GRAMD1C: variants seen among roughly 807,000 people sequenced by gnomAD.
The protein encoded by GRAMD1C is protein Aster-C.
A neutral mutation model predicts 97.8 loss-of-function variants in GRAMD1C; 89 were observed. The observed-to-expected ratio is 0.91, with a 90% confidence interval of 0.77 to 1.09. The LOEUF is 1.09. GRAMD1C is among the 50% of genes least tolerant of loss of function. The pLI is 0.00. For missense variants in GRAMD1C, 740 were observed against 766.4 expected, an observed-to-expected ratio of 0.97 and a Z score of 0.41; for synonymous variants, 256 against 267.0, an observed-to-expected ratio of 0.96 and a Z score of 0.40.
At chr3:113,945,350 T>G (rs1408344895) in intron 17 of GRAMD1C, 48 bp from the exon 18 acceptor site, 2 of 1,239,386 alleles carry the variant, frequency 1.6e-6, no homozygotes, top group African/African-American at 1.5e-5. Context: ...AATTTTCAAA[T>G]CTGATTAGAA....
Position 113,841,426 on chromosome 3 carries a change from C to T in GRAMD1C, c.27+2490C>T, listed in dbSNP as rs569475679. On this transcript the variant is annotated intron_variant, in intron 1 of 17. Transcript: ENST00000358160. The stretch of plus-strand genomic sequence containing the variant: ...TCAGCCTCCCAAGTAGCTGGGATTA[C>T]AGGCACGTACCACCACGCCCAGCTA... 2.6e-5 allele frequency among the ~76,000 whole-genome samples: 4 copies of T among 151,544 alleles called. No homozygotes were observed. In the East Asian group the frequency reaches 5.9e-4, roughly 22 times the overall value.
chr3:113,936,292 G>A lies in GRAMD1C; in HGVS notation c.1483G>A (p.Val495Ile). 2.5e-6 allele frequency: 4 copies of A among 1,594,928 alleles called. No individual in the cohort carries two copies. The highest frequency in any genetic ancestry group is 3.4e-6 in the Non-Finnish European group (4 of 1,167,332). The change falls in exon 14 of 18, where the codon GTA becomes ATA. Residue 495 changes from valine to isoleucine, a missense_variant. Val to Ile is a conservative substitution (Grantham distance 29). Coordinates refer to ENST00000358160, the MANE Select transcript of GRAMD1C (RefSeq NM_017577.5). The part of the protein sequence containing the change: ...LESDLLIEES[V>I]LNQAIEDPGK... ...ATCAGATTTGTTAATTGAAGAATCTGTATTAAATCAGGCCATTGAAGACCC... is the reference window on the plus strand; with the variant it reads ...ATCAGATTTGTTAATTGAAGAATCTATATTAAATCAGGCCATTGAAGACCC...
At chr3:113,858,393 C>CTTT (rs200917151) in intron 2 of GRAMD1C, among the ~76,000 whole-genome samples, 3 of 76,604 alleles carry the variant, frequency 3.9e-5, no homozygotes, top group African/African-American at 1.7e-4. Flanking sequence ...ATCCCAGCTA[C>CTTT]ATTTTTTTTT....
chr3:113,839,376 A>G (rs970354874), intron 1 of GRAMD1C, among the ~76,000 whole-genome samples: 2 of 152,074 alleles, frequency 1.3e-5, no homozygotes, highest in Non-Finnish European at 2.9e-5. Flanking sequence ...GTCTAGTTTT[A>G]TTTGTTTACT....
intron 6 of GRAMD1C, among the ~76,000 whole-genome samples, chr3:113,892,834 C>T (rs1577173877): frequency 1.3e-5 from 2 of 152,256 alleles, no homozygotes; most frequent in Admixed American, 1.3e-4. Context: ...CTCCACTCCT[C>T]AGCTCTTTTT....
At position 113,934,080 on chromosome 3, in the gene GRAMD1C, A is replaced by C. The variant is rs77218253; in HGVS notation, c.1353-352A>C. On this transcript the variant is annotated intron_variant, in intron 12 of 17. Coordinates refer to ENST00000358160, the MANE Select transcript of GRAMD1C (RefSeq NM_017577.5). ...ATCATGTACTTGGCCTACTCTGGTTAATGTAGTTACTTTCACCTAGTGTAT... is the reference window on the plus strand; with the variant it reads ...ATCATGTACTTGGCCTACTCTGGTTCATGTAGTTACTTTCACCTAGTGTAT... 6.9e-3 allele frequency among the ~76,000 whole-genome samples: 1,044 copies of C among 152,312 alleles called. 12 individuals are homozygous for C. The highest frequency in any genetic ancestry group is 0.024 in the African/African-American group (985 of 41,568).
chr3:113,911,696 TTTCCTTCC>T (rs773332639), intron 9 of GRAMD1C, among the ~76,000 whole-genome samples: 3 of 78,778 alleles, frequency 3.8e-5, no homozygotes, highest in African/African-American at 1.3e-4. Flanking sequence ...TCTCTGTTTC[TTTCCTTCC>T]TTCCTTCCTT....
At chr3:113,835,872 C>G (rs1462749415), upstream of GRAMD1C, among the ~76,000 whole-genome samples, 1 of 152,152 alleles carries the variant, frequency 6.6e-6, no homozygotes, top group Admixed American at 6.5e-5. Flanking sequence ...TAACAGAACA[C>G]AGTTTATGCA....
chr3:113,877,880 C>A (rs757797756), intron 5 of GRAMD1C, among the ~76,000 whole-genome samples: 1 of 151,970 alleles, frequency 6.6e-6, no homozygotes, highest in East Asian at 1.9e-4. Context: ...TGGGTTCAAG[C>A]GATTCCCCTG....
upstream of GRAMD1C, among the ~76,000 whole-genome samples, chr3:113,836,231 T>C (rs143973410): frequency 0.018 from 2,666 of 152,176 alleles, 75 homozygotes; most frequent in African/African-American, 0.059. Flanking sequence ...GCCACTGCAC[T>C]CCAGTCTGGG....
At position 113,847,408 on chromosome 3, in the gene GRAMD1C, A is replaced by G. The variant is rs115692829; in HGVS notation, c.174+2759A>G. Among the ~76,000 whole-genome samples, 872 of 152,368 alleles carry G rather than the reference A, an allele frequency of 5.7e-3. 9 individuals are homozygous for G. Among genetic ancestry groups the G allele is most frequent in the African/African-American group, 0.02 (834 of 41,586 alleles). Reference sequence around the variant, plus strand: ...GATATCAAAGTTCAAGATGAAGACTAACCTCAAAGTATGGCATGTGCAATG... The same window carrying G: ...GATATCAAAGTTCAAGATGAAGACTGACCTCAAAGTATGGCATGTGCAATG... On this transcript the variant is annotated intron_variant, in intron 2 of 17. Coordinates refer to ENST00000358160, the MANE Select transcript of GRAMD1C (RefSeq NM_017577.5).
intron 10 of GRAMD1C, among the ~76,000 whole-genome samples, chr3:113,926,056 C>T (rs957695862): frequency 3.3e-5 from 5 of 152,100 alleles, no homozygotes; most frequent in Non-Finnish European, 5.9e-5. Flanking sequence ...GTATGTATCT[C>T]ATAGGGGTTC....
At chr3:113,851,097 C>T (rs751685052) in intron 2 of GRAMD1C, among the ~76,000 whole-genome samples, 2 of 152,112 alleles carry the variant, frequency 1.3e-5, no homozygotes, top group South Asian at 2.1e-4. Context: ...CCACTGCACC[C>T]GGCCTATACT....
rs1254153238 is a variant in GRAMD1C, at chr3:113,904,212, C to T, written c.729C>T (p.Thr243=). 3.1e-6 allele frequency: 5 copies of T among 1,607,424 alleles called. No homozygotes were observed. Among genetic ancestry groups the T allele is most frequent in the Non-Finnish European group, 4.3e-6 (5 of 1,174,208 alleles). The stretch of plus-strand genomic sequence containing the variant: ...AATTATCCAAGTCAATCAGTTTTAC[C>T]AGTGAATCAATTAGTCGGGTTTCAG... The part of the protein sequence containing the change: ...DEKLSKSISF[T]SESISRVSET... The change falls in exon 8 of 18, where the codon ACC becomes ACT. Residue 243 remains threonine (T), a synonymous_variant. Coordinates refer to ENST00000358160, the MANE Select transcript of GRAMD1C (RefSeq NM_017577.5).
intron 1 of GRAMD1C, among the ~76,000 whole-genome samples, chr3:113,841,279 T>C (rs1339549179): frequency 1.8e-5 from 1 of 56,886 alleles, no homozygotes; most frequent in Non-Finnish European, 3.8e-5. Flanking sequence ...ACTTCTTTCT[T>C]TCTTTCTTTT....
At chr3:113,923,140 TG>T (rs1311338750) in intron 10 of GRAMD1C, among the ~76,000 whole-genome samples, 2 of 152,200 alleles carry the variant, frequency 1.3e-5, no homozygotes, top group Admixed American at 6.5e-5. Context: ...CCTGAAATTT[TG>T]CTGAAGTTGC....
intron 2 of GRAMD1C, among the ~76,000 whole-genome samples, chr3:113,864,771 T>C (rs1934520637): frequency 6.6e-6 from 1 of 152,178 alleles, no homozygotes; most frequent in African/African-American, 2.4e-5. Context: ...AATCTTCTTG[T>C]TTTCTAAGCC....
chr3:113,899,448 C>T (rs1559802271), intron 6 of GRAMD1C, among the ~76,000 whole-genome samples: 2 of 127,604 alleles, frequency 1.6e-5, no homozygotes, highest in African/African-American at 5.1e-5. Flanking sequence ...CATCCCATGT[C>T]TCTTCAACTA....
intron 2 of GRAMD1C, among the ~76,000 whole-genome samples, chr3:113,856,267 G>T (rs1001019659): frequency 2.6e-5 from 4 of 151,996 alleles, no homozygotes; most frequent in Admixed American, 6.6e-5. Context: ...GGTAAAAGAG[G>T]TAAGTGTAGA....
Sources: allele counts gnomAD v4.1 joint callset (sites outside exome capture counted in the v4.1 genomes callset), GRCh38; gene constraint gnomAD v4.1.1; transcripts MANE v1.5; gene names NCBI Gene and HGNC (gene_info 2026-07-23, HGNC 2026-07-21).